The following CASK variants were observed in gnomAD, a reference collection of about 807,000 sequenced individuals.
The protein encoded by CASK is calcium/calmodulin dependent serine protein kinase, also known as peripheral plasma membrane protein CASK.
In CASK, 4 loss-of-function variants were observed where a neutral mutation model predicts 82.9. That is an observed-to-expected ratio of 0.05 (90% CI 0.02 to 0.11). The LOEUF is 0.11. Ranked by LOEUF, CASK falls within the 10% of genes least tolerant of loss-of-function variation. The pLI is 1.00. For synonymous variants in CASK, 259 were observed against 253.5 expected (o/e 1.02, Z -0.20); for missense variants, 358 against 720.9 (o/e 0.50, Z 5.76).
intron 8 of CASK, among the ~76,000 whole-genome samples, chrX:41,652,767 C>T (rs143755946): frequency 8.9e-6 from 1 of 112,072 alleles, no homozygotes; most frequent in African/African-American, 3.3e-5. Flanking sequence ...CCACTTCACC[C>T]CTATACCTCC....
At chrX:41,829,161 A>G (rs1481187926) in intron 2 of CASK, among the ~76,000 whole-genome samples, 1 of 111,251 alleles carries the variant, frequency 9.0e-6, no homozygotes, top group Non-Finnish European at 1.9e-5. Flanking sequence ...ATGTATACCT[A>G]TCCTTCCTAC....
intron 1 of CASK, among the ~76,000 whole-genome samples, chrX:41,917,264 T>A (rs1043367200): frequency 3.6e-5 from 4 of 112,225 alleles, no homozygotes; most frequent in Non-Finnish European, 7.5e-5. Flanking sequence ...TGAATCTCAG[T>A]GTTCTCTGTA....
rs767946526 is a variant in CASK at position 41,613,629 on chromosome X, T to TAAA, written c.1034-3607_1034-3605dup. ...CGAGAAACACCCAAGAATGATCAAT[T>TAAA]AAAAAAAAAAAAAAAAAAAAGAATT... is the stretch of plus-strand genomic sequence containing the variant. On this transcript the variant is annotated intron_variant, in intron 11 of 26. Coordinates refer to ENST00000378163, the MANE Select transcript of CASK (RefSeq NM_001367721.1). 1.8e-3 allele frequency among the ~76,000 whole-genome samples: 92 copies of TAAA among 49,849 alleles called. 1 individual carries two copies. The highest frequency in any genetic ancestry group is 6.4e-3 in the African/African-American group (88 of 13,759). The allele number at this position is 49,849 out of a possible 115,157, so 43.3% of individuals were successfully genotyped here.
intron 2 of CASK, among the ~76,000 whole-genome samples, chrX:41,805,432 C>T (rs983790078): frequency 5.4e-5 from 6 of 111,670 alleles, no homozygotes; most frequent in Non-Finnish European, 1.1e-4. Flanking sequence ...GTTCCTTCAC[C>T]GCTTTTCAGC....
chrX:41,853,203 T>C lies in CASK; in HGVS notation c.84A>G (p.Arg28=). 8.3e-7 allele frequency: 1 copy of C among 1,199,820 alleles called. No homozygotes were observed. The highest frequency in any genetic ancestry group is 1.1e-6 in the Non-Finnish European group (1 of 885,248). The change falls in exon 2 of 27, where the codon CGA becomes CGG. Residue 28 remains arginine (R), a synonymous_variant. Coordinates refer to ENST00000378163, the MANE Select transcript of CASK (RefSeq NM_001367721.1). The part of the protein sequence containing the change: ...IGKGPFSVVR[R]CINRETGQQF... ...GTTGCCCAGTTTCTCTGTTGATACA[T>C]CGTCGTACAACACTGAAGGGACCCC...
chrX:41,602,174 G>T (rs989078561), intron 12 of CASK, among the ~76,000 whole-genome samples: 1 of 111,348 alleles, frequency 9.0e-6, no homozygotes, highest in African/African-American at 3.3e-5. Flanking sequence ...ATGTTGATAG[G>T]GACTGCACTG....
At chrX:41,907,195 C>T (rs2072484047) in intron 1 of CASK, among the ~76,000 whole-genome samples, 1 of 112,474 alleles carries the variant, frequency 8.9e-6, no homozygotes, top group African/African-American at 3.2e-5. Context: ...ACCAAACAAA[C>T]TCACCAGTAA....
At chrX:41,612,760 G>T (rs2066108222) in intron 11 of CASK, among the ~76,000 whole-genome samples, 2 of 87,962 alleles carry the variant, frequency 2.3e-5, no homozygotes, top group African/African-American at 4.2e-5. Flanking sequence ...GTGGGGGGGG[G>T]TCAACCCCCC....
At chrX:41,613,629 T>TAAAAAAAA (rs767946526) in intron 11 of CASK, among the ~76,000 whole-genome samples, 2 of 49,823 alleles carry the variant, frequency 4.0e-5, no homozygotes, top group African/African-American at 7.3e-5. Flanking sequence ...AATGATCAAT[T>TAAAAAAAA]AAAAAAAAAA....
chrX:41,749,988 GT>G (rs953455327), intron 3 of CASK, among the ~76,000 whole-genome samples: 95 of 108,258 alleles, frequency 8.8e-4, no homozygotes, highest in African/African-American at 3.0e-3. Context: ...GCCATTATAT[GT>G]TTTTTTTTAA....
At chrX:41,524,310 C>T (rs749879533) in intron 25 of CASK, 6 of 315,729 alleles carry the variant, frequency 1.9e-5, no homozygotes, top group African/African-American at 2.7e-5. Context: ...AAAGTTAACA[C>T]TGATTATGTT....
In CASK at chrX:41,542,755, G is replaced by A. The variant is rs1413631189; in HGVS notation, c.2091C>T (p.Ser697=). 8.3e-7 allele frequency: 1 copy of A among 1,207,935 alleles called. No homozygotes were observed. The highest frequency in any genetic ancestry group is 1.1e-6 in the Non-Finnish European group (1 of 893,451). Reference sequence around the variant, plus strand: ...TCTTTTTCTTGCCAAACCAAGTACAGCTGGCCTGCTGCTCCTGTTTGGTCT... The same window carrying A: ...TCTTTTTCTTGCCAAACCAAGTACAACTGGCCTGCTGCTCCTGTTTGGTCT... ...MEKTKQEQQA[S]CTWFGKKKKQ... The change falls in exon 22 of 27, where the codon AGC becomes AGT. Residue 697 remains serine (S), a synonymous_variant. Coordinates refer to ENST00000378163, the MANE Select transcript of CASK (RefSeq NM_001367721.1).
chrX:41,593,895 T>C (rs1238163078), intron 12 of CASK, among the ~76,000 whole-genome samples: 1 of 112,340 alleles, frequency 8.9e-6, no homozygotes, highest in Non-Finnish European at 1.9e-5. Flanking sequence ...CTGCATATTA[T>C]ATGCTGCCTG....
At chrX:41,639,062 T>G (rs2066603959) in intron 8 of CASK, among the ~76,000 whole-genome samples, 1 of 103,261 alleles carries the variant, frequency 9.7e-6, no homozygotes, top group South Asian at 4.8e-4. Context: ...ATAGGTAAAT[T>G]TTCAACCCTC....
chrX:41,753,789 G>A (rs1490049486), intron 3 of CASK, among the ~76,000 whole-genome samples: 1 of 111,717 alleles, frequency 9.0e-6, no homozygotes, highest in Non-Finnish European at 1.9e-5. Flanking sequence ...CAGAGGCAGA[G>A]GTGGAAGGCT....
At chrX:41,841,821 C>T (rs185267403) in intron 2 of CASK, among the ~76,000 whole-genome samples, 14 of 111,932 alleles carry the variant, frequency 1.3e-4, no homozygotes, top group Non-Finnish European at 2.3e-4. Context: ...CACGCCTAGC[C>T]TCTTTTTACT....
chrX:41,676,843 T>A (rs1415211643), intron 5 of CASK, among the ~76,000 whole-genome samples: 2 of 112,131 alleles, frequency 1.8e-5, no homozygotes, highest in African/African-American at 6.5e-5. Flanking sequence ...CAAATTCAGT[T>A]TATGTTCTAA....
intron 9 of CASK, among the ~76,000 whole-genome samples, chrX:41,629,587 A>AT (rs1213826912): frequency 9.0e-6 from 1 of 111,299 alleles, no homozygotes; most frequent in Non-Finnish European, 1.9e-5. Context: ...GGGGTCAGCA[A>AT]TTTTTTTTCT....
chrX:41,762,784 C>T (rs2069026673), intron 3 of CASK, among the ~76,000 whole-genome samples: 1 of 111,840 alleles, frequency 8.9e-6, no homozygotes, highest in African/African-American at 3.3e-5. Context: ...TCATAGCCCA[C>T]CACTATTAGC....
Sources: gnomAD v4.1 joint callset for allele counts (sites outside exome capture counted in the v4.1 genomes callset) on GRCh38, gnomAD v4.1.1 for gene constraint, MANE v1.5 for transcripts, NCBI Gene and HGNC (gene_info 2026-07-23, HGNC 2026-07-21) for gene names.